Variants in ZDHHC15 observed in about 807,000 individuals in gnomAD.
ZDHHC15 encodes zDHHC palmitoyltransferase 15, also known as palmitoyltransferase ZDHHC15.
In ZDHHC15, 19 loss-of-function variants were observed where a neutral mutation model predicts 31.7. The observed-to-expected ratio is 0.60, with a 90% confidence interval of 0.42 to 0.88. The LOEUF (loss-of-function observed/expected upper bound fraction) is 0.88, where lower values mean the gene tolerates loss of function less well. ZDHHC15 is among the 40% of genes least tolerant of loss of function. The pLI is 0.00. For synonymous variants in ZDHHC15, 103 were observed against 90.0 expected (o/e 1.14, Z -0.82); for missense variants, 209 against 251.2 (o/e 0.83, Z 1.14).
chrX:75,485,379 G>A (rs752086838), intron 2 of ZDHHC15, among the ~76,000 whole-genome samples: 26 of 111,358 alleles, frequency 2.3e-4, no homozygotes, highest in African/African-American at 7.8e-4. Flanking sequence ...ACTCAAATGT[G>A]TTAGGACTTA....
chrX:75,497,676 C>G (rs770098108), intron 2 of ZDHHC15, among the ~76,000 whole-genome samples: 2 of 111,494 alleles, frequency 1.8e-5, no homozygotes, highest in Middle Eastern at 4.6e-3. Context: ...GTTTAACATA[C>G]GCAAGCAATA....
chrX:75,516,067 G>A (rs763672181), intron 1 of ZDHHC15, among the ~76,000 whole-genome samples: 1 of 111,607 alleles, frequency 9.0e-6, no homozygotes, highest in East Asian at 2.8e-4. Context: ...ACAAACCACT[G>A]CTCAATTAAA....
chrX:75,493,516 C>A (rs1239049125), intron 2 of ZDHHC15, among the ~76,000 whole-genome samples: 2 of 111,584 alleles, frequency 1.8e-5, no homozygotes, highest in South Asian at 7.6e-4. Context: ...TGATGAACAT[C>A]CATGCAAAAA....
chrX:75,451,967 C>A, intron 3 of ZDHHC15, among the ~76,000 whole-genome samples: 1 of 111,326 alleles, frequency 9.0e-6, no homozygotes, highest in Admixed American at 9.7e-5. Context: ...GAAGAAACTG[C>A]ATCAATTAAT....
chrX:75,411,307 C>A (rs1346131729), intron 10 of ZDHHC15, among the ~76,000 whole-genome samples: 1 of 109,986 alleles, frequency 9.1e-6, no homozygotes, highest in Non-Finnish European at 1.9e-5. Flanking sequence ...TTCTGGGGTT[C>A]ACGCCACTCT....
chrX:75,469,349 T>C (rs1459117573), intron 3 of ZDHHC15, among the ~76,000 whole-genome samples: 1 of 112,002 alleles, frequency 8.9e-6, no homozygotes, highest in African/African-American at 3.2e-5. Context: ...CAGAACTTTA[T>C]TCATCTTCCC....
At chrX:75,438,925 G>T (rs1051095084) in intron 4 of ZDHHC15, among the ~76,000 whole-genome samples, 1 of 110,885 alleles carries the variant, frequency 9.0e-6, no homozygotes, top group African/African-American at 3.3e-5. Context: ...GTTTTCTTTC[G>T]CTGGATACAA....
At chrX:75,374,460 G>A (rs1404403422) in intron 11 of ZDHHC15, among the ~76,000 whole-genome samples, 2 of 109,280 alleles carry the variant, frequency 1.8e-5, no homozygotes, top group Non-Finnish European at 3.8e-5. Context: ...ACCACACACA[G>A]GGACAGGATA....
intron 4 of ZDHHC15, among the ~76,000 whole-genome samples, chrX:75,440,673 G>A (rs974898945): frequency 1.8e-5 from 2 of 111,957 alleles, no homozygotes; most frequent in Non-Finnish European, 1.9e-5. Flanking sequence ...GTAGTATAGC[G>A]GGGATTCAAT....
chrX:75,516,866 C>G (rs1187805917), intron 1 of ZDHHC15, among the ~76,000 whole-genome samples: 1 of 111,733 alleles, frequency 8.9e-6, no homozygotes, highest in African/African-American at 3.3e-5. Flanking sequence ...CCAGAATCTA[C>G]AAAGAACTCA....
intron 4 of ZDHHC15, among the ~76,000 whole-genome samples, chrX:75,436,996 C>G (rs1602620796): frequency 8.9e-6 from 1 of 111,853 alleles, no homozygotes; most frequent in African/African-American, 3.3e-5. Flanking sequence ...ATTCTCCTGC[C>G]TCAGCCTCCC....
At chrX:75,490,756 G>T (rs183016244) in intron 2 of ZDHHC15, among the ~76,000 whole-genome samples, 62 of 111,606 alleles carry the variant, frequency 5.6e-4, no homozygotes, top group African/African-American at 2.0e-3. Context: ...TGAAGCAATT[G>T]TGAATGGGAG....
intron 3 of ZDHHC15, among the ~76,000 whole-genome samples, chrX:75,459,918 C>T (rs748160279): frequency 8.9e-6 from 1 of 112,045 alleles, no homozygotes; most frequent in African/African-American, 3.2e-5. Context: ...TCTTATTGCC[C>T]AGGCTGGAGT....
chrX:75,467,320 A>C (rs1174409625), intron 3 of ZDHHC15, among the ~76,000 whole-genome samples: 1 of 112,102 alleles, frequency 8.9e-6, no homozygotes, highest in East Asian at 2.8e-4. Context: ...CTTGAAAGGC[A>C]CAGGAAGAGG....
At chrX:75,480,225 T>A (rs1170826123) in intron 2 of ZDHHC15, among the ~76,000 whole-genome samples, 2 of 111,381 alleles carry the variant, frequency 1.8e-5, no homozygotes, top group East Asian at 5.7e-4. Context: ...TGTGCTTGAT[T>A]TTTGTAACTA....
At chrX:75,428,460 G>A (rs889914708) in intron 7 of ZDHHC15, among the ~76,000 whole-genome samples, 1 of 111,187 alleles carries the variant, frequency 9.0e-6, no homozygotes, top group Non-Finnish European at 1.9e-5. Context: ...CACTTTCAAC[G>A]TCTGTTTCAT....
intron 3 of ZDHHC15, among the ~76,000 whole-genome samples, chrX:75,463,707 G>A (rs1183893266): frequency 9.0e-6 from 1 of 111,570 alleles, no homozygotes; most frequent in Non-Finnish European, 1.9e-5. Context: ...ATCATCACTG[G>A]CCATCAGAGA....
At chrX:75,421,062 T>A (rs1327856497) in intron 9 of ZDHHC15, among the ~76,000 whole-genome samples, 1 of 109,019 alleles carries the variant, frequency 9.2e-6, no homozygotes, top group Non-Finnish European at 1.9e-5. Context: ...GGAGAAAATA[T>A]AAATAATTTC....
At chrX:75,508,019 T>C (rs769306848) in intron 1 of ZDHHC15, among the ~76,000 whole-genome samples, 4 of 111,376 alleles carry the variant, frequency 3.6e-5, no homozygotes, top group Non-Finnish European at 5.7e-5. Context: ...TGCGATCCAA[T>C]AGATATAATG....
Sources: allele counts gnomAD v4.1 joint callset (sites outside exome capture counted in the v4.1 genomes callset), GRCh38; gene constraint gnomAD v4.1.1; transcripts MANE v1.5; gene names NCBI Gene and HGNC (gene_info 2026-07-23, HGNC 2026-07-21).